TNRC6A: variants seen among roughly 807,000 people sequenced by gnomAD.
The protein encoded by TNRC6A is trinucleotide repeat-containing gene 6A protein.
Under a neutral mutation model 221.2 loss-of-function variants are expected in TNRC6A, and 44 were observed. That is an observed-to-expected ratio of 0.20 (90% CI 0.16 to 0.26). The LOEUF (loss-of-function observed/expected upper bound fraction) is 0.26, where lower values mean the gene tolerates loss of function less well. Ranked by LOEUF, TNRC6A falls within the 10% of genes least tolerant of loss-of-function variation. The pLI is 1.00. For missense variants in TNRC6A, 2,199 were observed against 2,404.4 expected (o/e 0.91, Z 1.79); for synonymous variants, 847 against 838.5 (o/e 1.01, Z -0.18).
At chr16:24,645,858 A>AAAAAAAAAAAAAAAAAAAAAT (rs1351792620) in intron 2 of TNRC6A, among the ~76,000 whole-genome samples, 1 of 142,728 alleles carries the variant, frequency 7.0e-6, no homozygotes. Context: ...AAAAAAAAAA[A>AAAAAAAAAAAAAAAAAAAAAT]AAAAAAAAAT....
At position 24,793,630 on chromosome 16, in the gene TNRC6A, A is replaced by G. The variant is rs756480776; in HGVS notation, c.3333A>G (p.Pro1111=). 2.0e-6 allele frequency: 3 copies of G among 1,514,826 alleles called. No individual in the cohort carries two copies. The highest frequency in any genetic ancestry group is 1.8e-6 in the Non-Finnish European group (2 of 1,127,636). 93.8% of individuals were successfully genotyped at this position (1,514,826 alleles called of 1,614,324 possible). ...CGTGGGGCTCCAGCTCTGTTGGTCC[A>G]CAAGCATTAAGCAAATCTGGTAAGT... ...TSTWGSSSVG[P]QALSKSGPKS... is the part of the protein sequence containing the mutation. Residue 1111 remains proline, a synonymous_variant, in exon 7 of 25, where the codon CCA becomes CCG. Coordinates refer to ENST00000395799, the MANE Select transcript of TNRC6A (RefSeq NM_014494.4).
Position 24,790,720 on chromosome 16 carries a change from G to C in TNRC6A, c.2078G>C (p.Arg693Thr), listed in dbSNP as rs2058080576. 6.2e-7 allele frequency: 1 copy of C among 1,614,062 alleles called. No homozygotes were observed. Among genetic ancestry groups the C allele is most frequent in the African/African-American group, 1.3e-5 (1 of 74,928 alleles). Reference sequence around the variant, plus strand: ...AAAGGAACTGGGGAAAGTCAGAGTAGAGACAGAAGAAAAATTGATCAGCAC... The same window carrying C: ...AAAGGAACTGGGGAAAGTCAGAGTACAGACAGAAGAAAAATTGATCAGCAC... ...EEKGTGESQS[R>T]DRRKIDQHTL... The change falls in exon 6 of 25, where the codon AGA (arginine) becomes ACA (threonine). Residue 693 changes from arginine to threonine, a missense_variant. Around this residue, in one of 8 missense-constraint regions of TNRC6A, gnomAD observed 1,405 missense variants for 1,400.2 expected, o/e 1.00. Coordinates refer to ENST00000395799, the MANE Select transcript of TNRC6A (RefSeq NM_014494.4).
intron 5 of TNRC6A, among the ~76,000 whole-genome samples, chr16:24,788,165 C>T (rs1371907959): frequency 6.6e-6 from 1 of 152,144 alleles, no homozygotes; most frequent in Non-Finnish European, 1.5e-5. Context: ...GCAGGAAGTC[C>T]AAGATTATAG....
intron 12 of TNRC6A, 111 bp from the exon 13 acceptor site, chr16:24,804,594 T>C: frequency 6.9e-7 from 1 of 1,453,330 alleles, no homozygotes; most frequent in Non-Finnish European, 9.2e-7. Flanking sequence ...TTCTACCTGT[T>C]TCCTGTTGAT....
chr16:24,625,354 C>T (rs954966551), intron 1 of TNRC6A, among the ~76,000 whole-genome samples: 1 of 152,220 alleles, frequency 6.6e-6, no homozygotes, highest in Non-Finnish European at 1.5e-5. Flanking sequence ...CAGCTCACGC[C>T]TGTAATCCCA....
At chr16:24,819,382 T>C (rs1413041091) in intron 21 of TNRC6A, among the ~76,000 whole-genome samples, 4 of 152,202 alleles carry the variant, frequency 2.6e-5, no homozygotes, top group African/African-American at 9.6e-5. Flanking sequence ...CATGTCTCCA[T>C]TGCTGCGAGG....
At chr16:24,758,244 A>G (rs1193288280) in intron 3 of TNRC6A, 95 bp from the exon 4 acceptor site, 2 of 1,220,008 alleles carry the variant, frequency 1.6e-6, no homozygotes, top group Non-Finnish European at 2.4e-6. Flanking sequence ...AAAGGTGTAT[A>G]TGTCTTATAT....
chr16:24,786,601 A>G (rs1349690127), intron 5 of TNRC6A, among the ~76,000 whole-genome samples: 1 of 152,138 alleles, frequency 6.6e-6, no homozygotes, highest in Non-Finnish European at 1.5e-5. Flanking sequence ...GGCGTGAACC[A>G]TCACGCCTGG....
chr16:24,644,553 A>C (rs1355851016), intron 2 of TNRC6A, among the ~76,000 whole-genome samples: 1 of 151,768 alleles, frequency 6.6e-6, no homozygotes, highest in Non-Finnish European at 1.5e-5. Context: ...ATCAGCCTCC[A>C]AAGTAGCTAG....
chr16:24,761,146 A>G (rs1049608612), intron 4 of TNRC6A, among the ~76,000 whole-genome samples: 6 of 152,202 alleles, frequency 3.9e-5, no homozygotes, highest in Admixed American at 2.6e-4. Flanking sequence ...AAGTTTAGCC[A>G]CATGTGGCTG....
chr16:24,717,148 A>C (rs2056329046), intron 2 of TNRC6A, among the ~76,000 whole-genome samples: 1 of 152,022 alleles, frequency 6.6e-6, no homozygotes, highest in East Asian at 1.9e-4. Context: ...GCAGTGGTGC[A>C]ATCACGGCTC....
intron 2 of TNRC6A, among the ~76,000 whole-genome samples, chr16:24,691,590 G>A (rs6497750): frequency 0.22 from 33,053 of 151,680 alleles, 5,412 homozygotes; most frequent in African/African-American, 0.45. Context: ...CCAACATGAC[G>A]AAACTCATCT....
At chr16:24,748,642 T>C (rs200527) in intron 2 of TNRC6A, among the ~76,000 whole-genome samples, 30,875 of 152,102 alleles carry the variant, frequency 0.2, 3,773 homozygotes, top group Admixed American at 0.32. Flanking sequence ...ATTCATTTCA[T>C]TTTTCGGTGT....
chr16:24,750,760 GAAAAGA>G lies in TNRC6A; in HGVS notation c.99_104del (p.Lys34_Lys35del), dbSNP rs2057117765. 1 of 1,560,648 alleles carries G rather than the reference GAAAAGA, an allele frequency of 6.4e-7. No homozygotes were observed. Among genetic ancestry groups the G allele is most frequent in the Non-Finnish European group, 8.6e-7 (1 of 1,157,066 alleles). ...GCAAGAAGAAGAACAGTTGATGGAA[GAAAAGA>G]AAAAGAAAAAAGACGACAAGAAAAA... is the stretch of plus-strand genomic sequence containing the variant. On this transcript the variant is annotated inframe_deletion, in exon 3 of 25. Coordinates refer to ENST00000395799, the MANE Select transcript of TNRC6A (RefSeq NM_014494.4).
intron 1 of TNRC6A, among the ~76,000 whole-genome samples, chr16:24,640,658 G>A (rs1820278936): frequency 6.6e-6 from 1 of 151,416 alleles, no homozygotes; most frequent in African/African-American, 2.4e-5. Flanking sequence ...GAGCCCGGGA[G>A]GCGGAAGTTG....
chr16:24,711,345 C>T (rs1244028409), intron 2 of TNRC6A, among the ~76,000 whole-genome samples: 2 of 152,094 alleles, frequency 1.3e-5, no homozygotes, highest in African/African-American at 4.8e-5. Context: ...TATTGAGTCA[C>T]ATATTTAAAG....
intron 4 of TNRC6A, among the ~76,000 whole-genome samples, chr16:24,769,933 G>C (rs2057555103): frequency 6.6e-6 from 1 of 152,136 alleles, no homozygotes; most frequent in Non-Finnish European, 1.5e-5. Context: ...CTTGGTTCAG[G>C]AAATGCTAGT....
chr16:24,692,858 G>A (rs2055783528), intron 2 of TNRC6A, among the ~76,000 whole-genome samples: 1 of 151,996 alleles, frequency 6.6e-6, no homozygotes, highest in Non-Finnish European at 1.5e-5. Flanking sequence ...AAAACTCAGG[G>A]AGGAAAAACA....
intron 2 of TNRC6A, among the ~76,000 whole-genome samples, chr16:24,698,935 C>G (rs889247510): frequency 6.6e-6 from 1 of 152,130 alleles, no homozygotes. Flanking sequence ...GTCTCGAACT[C>G]CCAACCTCAG....
Sources: allele counts gnomAD v4.1 joint callset (sites outside exome capture counted in the v4.1 genomes callset), GRCh38; gene constraint gnomAD v4.1.1; regional missense constraint gnomAD v4.1.1; transcripts MANE v1.5; gene names NCBI Gene and HGNC (gene_info 2026-07-23, HGNC 2026-07-21).